The following ADGRL3 variants were observed in gnomAD, a reference collection of about 807,000 sequenced individuals.
ADGRL3 encodes adhesion G protein-coupled receptor L3, also known as calcium-independent alpha-latrotoxin receptor 3.
Under a neutral mutation model 153.5 loss-of-function variants are expected in ADGRL3, and 62 were observed. The ratio of observed to expected loss-of-function variants is 0.40; its 90% CI spans 0.33 to 0.50. The LOEUF (loss-of-function observed/expected upper bound fraction) is 0.50. ADGRL3 is among the 20% of genes least tolerant of loss of function. The probability of loss-of-function intolerance (pLI) is 0.47; values close to 1 mark genes in which losing one functional copy is unlikely to be tolerated. For missense variants in ADGRL3, 1,641 were observed against 1,859.4 expected, an observed-to-expected ratio of 0.88 and a Z score of 2.16; for synonymous variants, 710 against 672.5, an observed-to-expected ratio of 1.06 and a Z score of -0.86.
chr4:61,919,475 T>C (rs1423769775), intron 13 of ADGRL3, among the ~76,000 whole-genome samples: 2 of 152,100 alleles, frequency 1.3e-5, no homozygotes, highest in Non-Finnish European at 2.9e-5. Context: ...TTAAAAGACA[T>C]TGAGATCAAA....
intron 8 of ADGRL3, among the ~76,000 whole-genome samples, chr4:61,776,978 T>C (rs998353458): frequency 6.6e-6 from 1 of 152,228 alleles, no homozygotes; most frequent in Non-Finnish European, 1.5e-5. Context: ...TGCTATTGTT[T>C]TTGAAAGCAG....
chr4:61,460,579 T>C (rs1042300384), intron 2 of ADGRL3, among the ~76,000 whole-genome samples: 2 of 151,952 alleles, frequency 1.3e-5, no homozygotes, highest in African/African-American at 4.8e-5. Context: ...ATGAGTGTAT[T>C]AGTCAGTTCC....
intron 26 of ADGRL3, among the ~76,000 whole-genome samples, chr4:62,069,365 G>T (rs1744664308): frequency 1.3e-5 from 2 of 151,856 alleles, no homozygotes; most frequent in Admixed American, 6.6e-5. Context: ...TCTCTGATGG[G>T]ATGGTATATA....
intron 1 of ADGRL3, among the ~76,000 whole-genome samples, chr4:61,264,438 A>G (rs898877477): frequency 1.3e-5 from 2 of 152,066 alleles, no homozygotes; most frequent in Non-Finnish European, 2.9e-5. Context: ...AAACTTGGAA[A>G]GACATTATAA....
chr4:61,355,030 C>T (rs2096135727), intron 1 of ADGRL3, among the ~76,000 whole-genome samples: 1 of 151,862 alleles, frequency 6.6e-6, no homozygotes, highest in South Asian at 2.1e-4. Context: ...TTAAAAGTAG[C>T]AATACAAAGA....
intron 5 of ADGRL3, among the ~76,000 whole-genome samples, chr4:61,605,531 A>G (rs1168405520): frequency 6.6e-6 from 1 of 152,054 alleles, no homozygotes; most frequent in African/African-American, 2.4e-5. Flanking sequence ...AAGAATATAC[A>G]CTCTAATTAA....
intron 2 of ADGRL3, among the ~76,000 whole-genome samples, chr4:61,409,428 A>G (rs1427733101): frequency 6.9e-6 from 1 of 145,634 alleles, no homozygotes; most frequent in Middle Eastern, 3.6e-3. Context: ...TATTATATAT[A>G]TGTCTATCTC....
intron 5 of ADGRL3, among the ~76,000 whole-genome samples, chr4:61,622,887 A>G (rs1469072898): frequency 6.6e-6 from 1 of 152,182 alleles, no homozygotes; most frequent in African/African-American, 2.4e-5. Context: ...GTTTAGTCAT[A>G]TCATAAAGAA....
chr4:61,446,560 C>T (rs899767563), intron 2 of ADGRL3, among the ~76,000 whole-genome samples: 1 of 152,056 alleles, frequency 6.6e-6, no homozygotes, highest in African/African-American at 2.4e-5. Flanking sequence ...GATGAAATAC[C>T]AACGATACTA....
chr4:61,370,326 T>C (rs1380245566), intron 1 of ADGRL3, among the ~76,000 whole-genome samples: 1 of 151,566 alleles, frequency 6.6e-6, no homozygotes, highest in Admixed American at 6.6e-5. Context: ...GATGTTAGGG[T>C]GTCAATTTTG....
chr4:61,519,618 C>T (rs1042449294), intron 4 of ADGRL3, among the ~76,000 whole-genome samples: 9 of 152,120 alleles, frequency 5.9e-5, no homozygotes, highest in African/African-American at 2.2e-4. Context: ...GGGGCATAAT[C>T]TTTCCTAATA....
At chr4:61,459,990 G>C (rs571349304) in intron 2 of ADGRL3, among the ~76,000 whole-genome samples, 1 of 152,196 alleles carries the variant, frequency 6.6e-6, no homozygotes, top group South Asian at 2.1e-4. Flanking sequence ...CTTGTTGGAT[G>C]AGTAATTTGC....
At chr4:62,033,951 A>G (rs1260959477) in intron 23 of ADGRL3, among the ~76,000 whole-genome samples, 1 of 151,698 alleles carries the variant, frequency 6.6e-6, no homozygotes, top group Non-Finnish European at 1.5e-5. Flanking sequence ...TGCCTCTTTC[A>G]GTTTTCCCAA....
chr4:61,931,956 C>G (rs571858844), intron 13 of ADGRL3, among the ~76,000 whole-genome samples: 2 of 152,064 alleles, frequency 1.3e-5, no homozygotes, highest in Admixed American at 1.3e-4. Context: ...ATAAAGCAGT[C>G]TGTTGTAAAC....
intron 6 of ADGRL3, among the ~76,000 whole-genome samples, chr4:61,717,217 T>C (rs1053799179): frequency 2.0e-5 from 1 of 50,572 alleles, no homozygotes; most frequent in Non-Finnish European, 4.2e-5. Flanking sequence ...TGTGTGTGTG[T>C]GTGCGTGTGT....
In ADGRL3 at chr4:61,770,834, G is replaced by T. The variant is rs546450536; in HGVS notation, c.1399+37280G>T. 9.2e-5 allele frequency among the ~76,000 whole-genome samples: 14 copies of T among 152,258 alleles called. No homozygotes were observed. In the South Asian group the frequency reaches 2.9e-3, roughly 32 times the overall value. On this transcript the variant is annotated intron_variant, in intron 8 of 26. Transcript: ENST00000683033. ...ATGGAAATAAAGATCCCTATGAGTT[G>T]CATGCCTTTAGAAAGTTTTAATAAA...
At chr4:61,742,637 A>G (rs890200449) in intron 8 of ADGRL3, among the ~76,000 whole-genome samples, 1 of 152,138 alleles carries the variant, frequency 6.6e-6, no homozygotes, top group Non-Finnish European at 1.5e-5. Flanking sequence ...GACAGGCAAT[A>G]GTATGAGTTT....
At chr4:61,761,291 C>T (rs1387719954) in intron 8 of ADGRL3, among the ~76,000 whole-genome samples, 8 of 152,190 alleles carry the variant, frequency 5.3e-5, no homozygotes, top group African/African-American at 1.9e-4. Context: ...TGGGAAAGGG[C>T]TGTTATCATC....
intron 3 of ADGRL3, among the ~76,000 whole-genome samples, chr4:61,503,715 A>C (rs1460477417): frequency 6.6e-6 from 1 of 152,068 alleles, no homozygotes; most frequent in African/African-American, 2.4e-5. Flanking sequence ...TTTAAGTAAA[A>C]ATTTCAAATA....
Sources: gnomAD v4.1 joint callset for allele counts (sites outside exome capture counted in the v4.1 genomes callset) on GRCh38, gnomAD v4.1.1 for gene constraint, MANE v1.5 for transcripts, NCBI Gene and HGNC (gene_info 2026-07-23, HGNC 2026-07-21) for gene names.